Variants in GAS7 observed in about 807,000 individuals in gnomAD.
The protein encoded by GAS7 is growth arrest-specific protein 7.
Under a neutral mutation model 71.1 loss-of-function variants are expected in GAS7, and 28 were observed. The ratio of observed to expected loss-of-function variants is 0.39; its 90% CI spans 0.29 to 0.54. The LOEUF is 0.54. GAS7 is among the 20% of genes least tolerant of loss of function. The pLI, the probability that GAS7 is intolerant of heterozygous loss-of-function variation, is 0.62. For synonymous variants in GAS7, 258 were observed against 245.8 expected (o/e 1.05, Z -0.46); for missense variants, 436 against 627.8 (o/e 0.69, Z 3.27).
At chr17:10,183,759 G>A (rs1046922344) in intron 1 of GAS7, among the ~76,000 whole-genome samples, 1 of 151,996 alleles carries the variant, frequency 6.6e-6, no homozygotes, top group Non-Finnish European at 1.5e-5. Flanking sequence ...GGAGAATGGC[G>A]TGAACCCAGG....
At chr17:10,039,585 A>G (rs1367902281) in intron 1 of GAS7, among the ~76,000 whole-genome samples, 1 of 152,172 alleles carries the variant, frequency 6.6e-6, no homozygotes, top group Non-Finnish European at 1.5e-5. Flanking sequence ...CAGGAGGCTG[A>G]GGCAGGAGAA....
intron 1 of GAS7, among the ~76,000 whole-genome samples, chr17:10,143,024 A>C (rs1196012517): frequency 6.9e-6 from 1 of 145,530 alleles, no homozygotes; most frequent in East Asian, 2.2e-4. Flanking sequence ...TACAAAAAAA[A>C]AAAAAAAATT....
chr17:10,048,568 G>A (rs116506509), intron 1 of GAS7, among the ~76,000 whole-genome samples: 2,455 of 152,270 alleles, frequency 0.016, 60 homozygotes, highest in African/African-American at 0.056. Context: ...AAAGCTTCAC[G>A]GGGTACAGTC....
intron 1 of GAS7, among the ~76,000 whole-genome samples, chr17:10,091,684 C>A (rs2073583248): frequency 6.6e-6 from 1 of 152,082 alleles, no homozygotes; most frequent in African/African-American, 2.4e-5. Context: ...CCACGCCCAG[C>A]TGGGGTTTTG....
chr17:10,153,024 C>T (rs1471965733), intron 1 of GAS7, among the ~76,000 whole-genome samples: 3 of 143,788 alleles, frequency 2.1e-5, no homozygotes, highest in African/African-American at 8.0e-5. Flanking sequence ...AAAACCCCAT[C>T]CCCACTAAAA....
chr17:10,124,940 A>T (rs1279211519), intron 1 of GAS7, among the ~76,000 whole-genome samples: 2 of 151,972 alleles, frequency 1.3e-5, no homozygotes, highest in Non-Finnish European at 2.9e-5. Context: ...ATAAATAAAA[A>T]TAAAGAGCAG....
chr17:10,153,267 C>G (rs2074181121), intron 1 of GAS7, among the ~76,000 whole-genome samples: 1 of 149,738 alleles, frequency 6.7e-6, no homozygotes, highest in Non-Finnish European at 1.5e-5. Context: ...TTTGGGAGCC[C>G]GAGGTAGGCA....
chr17:10,072,970 A>G (rs1019808113), intron 1 of GAS7, among the ~76,000 whole-genome samples: 7 of 152,236 alleles, frequency 4.6e-5, no homozygotes, highest in African/African-American at 1.2e-4. Flanking sequence ...TTCTAAGTAA[A>G]TGGAGCAAAG....
chr17:10,143,495 T>C (rs1377449555), intron 1 of GAS7, among the ~76,000 whole-genome samples: 2 of 149,396 alleles, frequency 1.3e-5, no homozygotes, highest in Non-Finnish European at 2.9e-5. Flanking sequence ...TGAGCCGAGA[T>C]CATGCCATTG....
At chr17:9,922,350 C>T (rs915969858) in intron 11 of GAS7, among the ~76,000 whole-genome samples, 4 of 152,258 alleles carry the variant, frequency 2.6e-5, no homozygotes, top group East Asian at 1.9e-4. Context: ...AGCAAAATGG[C>T]GACAAGCAGA....
rs2067523235 is a variant in GAS7, at chr17:9,914,341, C to T, written c.*2887G>A. ...TCCCAGGTTCAAGCGATTCTACTGC[C>T]TCAGCCTGCCGAATAGTTGGGACTA... On this transcript the variant is annotated 3_prime_UTR_variant, in exon 14 of 14. Transcript: ENST00000432992. 4 of 183,738 alleles carry T rather than the reference C, an allele frequency of 2.2e-5. No individual in the cohort carries two copies. The highest frequency in any genetic ancestry group is 6.3e-5 in the Admixed American group (1 of 15,990). The allele number at this position is 183,738 out of a possible 1,614,324, so 11.4% of individuals were successfully genotyped here. A position where few individuals can be genotyped will look rare whatever the true frequency, so the allele number is the denominator to read the frequency against.
intron 2 of GAS7, among the ~76,000 whole-genome samples, chr17:10,005,052 C>CATAT (rs2071422224): frequency 1.5e-5 from 2 of 129,492 alleles, no homozygotes; most frequent in Admixed American, 7.1e-5. Flanking sequence ...CATATATATA[C>CATAT]ACATATATGT....
intron 1 of GAS7, among the ~76,000 whole-genome samples, chr17:10,100,105 G>A (rs957127463): frequency 6.6e-6 from 1 of 152,158 alleles, no homozygotes; most frequent in African/African-American, 2.4e-5. Flanking sequence ...AAAACTTTGG[G>A]TTAAAAGAAG....
Position 10,034,228 on chromosome 17 carries a change from T to C in GAS7, c.184-14331A>G, listed in dbSNP as rs2072691752. On this transcript the variant is annotated intron_variant, in intron 1 of 13. Transcript: ENST00000432992. This position sits in a 1 kb window ranked among gnomAD's most constrained non-coding sequence, Gnocchi z 4.4. The stretch of plus-strand genomic sequence containing the variant: ...TCCATCTCTGCTGGGAGGCCTCAAT[T>C]GCTTCATCTCTAAAACACGGAAGTT... 1.0e-6 allele frequency: 1 copy of C among 985,092 alleles called. No individual in the cohort carries two copies. The highest frequency in any genetic ancestry group is 6.1e-5 in the Admixed American group (1 of 16,264). The allele number at this position is 985,092 out of a possible 1,614,324, so 61.0% of individuals were successfully genotyped here. A position where few individuals can be genotyped will look rare whatever the true frequency, so the allele number is the denominator to read the frequency against.
chr17:10,079,834 T>G (rs903962767), intron 1 of GAS7, among the ~76,000 whole-genome samples: 1 of 152,188 alleles, frequency 6.6e-6, no homozygotes, highest in Non-Finnish European at 1.5e-5. Context: ...CTCTTTTCAT[T>G]GACAACATCA....
At chr17:10,029,299 T>C (rs996228515) in intron 1 of GAS7, among the ~76,000 whole-genome samples, 1 of 152,186 alleles carries the variant, frequency 6.6e-6, no homozygotes, top group Admixed American at 6.5e-5. Flanking sequence ...CAGAAACATA[T>C]TCTTCTAGAG....
At chr17:10,161,114 T>G (rs2074253136) in intron 1 of GAS7, among the ~76,000 whole-genome samples, 1 of 152,176 alleles carries the variant, frequency 6.6e-6, no homozygotes, top group Non-Finnish European at 1.5e-5. Flanking sequence ...GGTTTTTGTT[T>G]GTTTTTTGCT....
At chr17:9,990,080 T>C (rs1374552531) in intron 2 of GAS7, among the ~76,000 whole-genome samples, 1 of 152,068 alleles carries the variant, frequency 6.6e-6, no homozygotes, top group Non-Finnish European at 1.5e-5. Context: ...CCATCCTGGC[T>C]AACACGGTGA....
At chr17:9,978,944 C>G (rs764116570) in intron 3 of GAS7, among the ~76,000 whole-genome samples, 1 of 152,110 alleles carries the variant, frequency 6.6e-6, no homozygotes, top group Non-Finnish European at 1.5e-5. Flanking sequence ...TGAAGACTTG[C>G]CTGTGCATTG....
Sources: allele counts gnomAD v4.1 joint callset (sites outside exome capture counted in the v4.1 genomes callset), GRCh38; gene constraint gnomAD v4.1.1; non-coding constraint Gnocchi (gnomAD v3.1); transcripts MANE v1.5; gene names NCBI Gene and HGNC (gene_info 2026-07-23, HGNC 2026-07-21).